The following CPAMD8 variants were observed in gnomAD, a reference collection of about 807,000 sequenced individuals.
CPAMD8 encodes the protein C3 and PZP like alpha-2-macroglobulin domain containing 8.
In CPAMD8, 146 loss-of-function variants were observed where a neutral mutation model predicts 224.7. The observed-to-expected ratio is 0.65, with a 90% CI of 0.57 to 0.75. CPAMD8 has a LOEUF of 0.75. Among genes scored for constraint, CPAMD8 ranks in the 30% least tolerant of loss-of-function variants. CPAMD8 has a pLI of 0.00. For missense variants in CPAMD8, 2,301 were observed against 2,537.5 expected, an observed-to-expected ratio of 0.91 and a Z score of 2.00; for synonymous variants, 966 against 1,044.6, an observed-to-expected ratio of 0.92 and a Z score of 1.45.
intron 19 of CPAMD8, 70 bp from the exon 20 acceptor site, chr19:16,952,270 A>C: frequency 3.4e-6 from 3 of 873,774 alleles, no homozygotes; most frequent in Non-Finnish European, 5.6e-6. Context: ...GCCAGTGGGC[A>C]TGGATGACCC....
chr19:16,919,958 G>A (rs2144881529), intron 27 of CPAMD8, among the ~76,000 whole-genome samples: 1 of 152,278 alleles, frequency 6.6e-6, no homozygotes, highest in South Asian at 2.1e-4. Context: ...GTGTGGTAAG[G>A]AAACAGGCTC....
At chr19:16,916,259 C>G (rs2052954960) in intron 27 of CPAMD8, among the ~76,000 whole-genome samples, 1 of 152,010 alleles carries the variant, frequency 6.6e-6, no homozygotes, top group African/African-American at 2.4e-5. Flanking sequence ...AGTGATCCTC[C>G]CACAATGGCC....
chr19:16,941,958 C>G (rs549182165), intron 22 of CPAMD8, among the ~76,000 whole-genome samples: 2 of 151,586 alleles, frequency 1.3e-5, no homozygotes, highest in Non-Finnish European at 2.9e-5. Context: ...GGCGACAGAG[C>G]GAGACTCCAT....
At chr19:16,896,417 A>G (rs760210599) in intron 40 of CPAMD8, 39 bp downstream of exon 40, 14 of 1,484,528 alleles carry the variant, frequency 9.4e-6, no homozygotes, top group South Asian at 9.3e-5. Flanking sequence ...AGCAGCAGCG[A>G]TGGTGTCCCC....
At chr19:16,911,268 C>T (rs899655410) in intron 29 of CPAMD8, among the ~76,000 whole-genome samples, 12 of 152,120 alleles carry the variant, frequency 7.9e-5, no homozygotes, top group South Asian at 2.1e-4. Flanking sequence ...CACCTCCCAT[C>T]GGACCATCAG....
At position 16,892,997 on chromosome 19, in the gene CPAMD8, A is replaced by C. The variant is rs772973557; in HGVS notation, c.*111T>G. On this transcript the variant is annotated 3_prime_UTR_variant, in exon 42 of 42. Coordinates refer to ENST00000443236, the MANE Select transcript of CPAMD8 (RefSeq NM_015692.5). ...GTATTCTTGTCAATATCCTGGAGTGATCATTTACCAGAGTTTTCTGAGATG... is the reference window on the plus strand; with the variant it reads ...GTATTCTTGTCAATATCCTGGAGTGCTCATTTACCAGAGTTTTCTGAGATG... The C allele has an allele frequency of 2.6e-6, 2 of 772,004 alleles. No individual in the cohort carries two copies. The highest frequency in any genetic ancestry group is 4.9e-5 in the East Asian group (2 of 41,154). The allele number at this position is 772,004 out of a possible 1,614,324, so 47.8% of individuals were successfully genotyped here.
At chr19:16,929,343 C>T in intron 23 of CPAMD8, 103 bp from the exon 24 acceptor site, 1 of 851,562 alleles carries the variant, frequency 1.2e-6, no homozygotes, top group Non-Finnish European at 1.8e-6. Context: ...AGGAGTGGGT[C>T]TCACTGTGAC....
At chr19:16,974,745 T>C (rs2055193650) in intron 17 of CPAMD8, among the ~76,000 whole-genome samples, 1 of 152,032 alleles carries the variant, frequency 6.6e-6, no homozygotes, top group African/African-American at 2.4e-5. Flanking sequence ...AGCAGGAGGA[T>C]TGCTTGAGGC....
intron 10 of CPAMD8, among the ~76,000 whole-genome samples, chr19:16,999,565 A>G (rs2056243479): frequency 6.7e-6 from 1 of 149,180 alleles, no homozygotes; most frequent in South Asian, 2.1e-4. Context: ...AGCCTGGGCA[A>G]CAGAGCAAGA....
intron 14 of CPAMD8, 113 bp downstream of exon 14, chr19:16,980,384 G>C: frequency 1.0e-6 from 1 of 952,824 alleles, no homozygotes; most frequent in Non-Finnish European, 1.6e-6. Flanking sequence ...CTGACCCAAG[G>C]CATGCTCCCC....
At chr19:17,002,627 AG>A in intron 8 of CPAMD8, 1 of 297,944 alleles carries the variant, frequency 3.4e-6, no homozygotes, top group Admixed American at 4.4e-5. Context: ...AGCCTATCCC[AG>A]GGTGGACACG....
intron 18 of CPAMD8, 30 bp from the exon 19 acceptor site, chr19:16,957,945 G>C: frequency 2.5e-6 from 4 of 1,594,988 alleles, no homozygotes; most frequent in Non-Finnish European, 3.4e-6. Context: ...AACGATTAAG[G>C]TTTCATGAAC....
At chr19:16,931,400 T>A (rs1225575225) in intron 23 of CPAMD8, among the ~76,000 whole-genome samples, 1 of 152,114 alleles carries the variant, frequency 6.6e-6, no homozygotes, top group Non-Finnish European at 1.5e-5. Context: ...ACACCACAGC[T>A]GGCACACACC....
chr19:17,009,568 A>C, intron 5 of CPAMD8: 1 of 409,162 alleles, frequency 2.4e-6, no homozygotes, highest in Non-Finnish European at 4.4e-6. Context: ...AGGTCAGGAG[A>C]TTGAGACCAC....
intron 23 of CPAMD8, among the ~76,000 whole-genome samples, chr19:16,933,769 A>G (rs1205380148): frequency 6.6e-6 from 1 of 152,224 alleles, no homozygotes; most frequent in Non-Finnish European, 1.5e-5. Context: ...CACTTTAGAA[A>G]ACAGGTTGGC....
rs979421470 is a variant in CPAMD8 at position 16,928,300 on chromosome 19, T to G, written c.3145-66A>C. 6.8e-6 allele frequency: 9 copies of G among 1,326,928 alleles called. No homozygotes were observed. The Admixed American group carries it at 7.5e-5, about 11-fold the overall frequency. The allele number at this position is 1,326,928 out of a possible 1,614,324, so 82.2% of individuals were successfully genotyped here. A position where few individuals can be genotyped will look rare whatever the true frequency, so the allele number is the denominator to read the frequency against. On this transcript the variant is annotated intron_variant, in intron 24 of 41. Coordinates refer to ENST00000443236, the MANE Select transcript of CPAMD8 (RefSeq NM_015692.5). Reference sequence around the variant, plus strand: ...CAGGCAGTAGGCACTCAGGTGGCAGTGACACCAGCTTTGTGGCCAGGGTCA... The same window carrying G: ...CAGGCAGTAGGCACTCAGGTGGCAGGGACACCAGCTTTGTGGCCAGGGTCA...
chr19:16,984,431 A>G (rs1247504185), intron 13 of CPAMD8, among the ~76,000 whole-genome samples: 2 of 152,152 alleles, frequency 1.3e-5, no homozygotes, highest in Admixed American at 1.3e-4. Flanking sequence ...TAAGAGCTGA[A>G]ACTATAAAAC....
chr19:17,026,368 A>C (rs536626201), intron 1 of CPAMD8, among the ~76,000 whole-genome samples, 183 bp downstream of exon 1: 81 of 152,256 alleles, frequency 5.3e-4, no homozygotes, highest in African/African-American at 1.9e-3. Flanking sequence ...CTGTACCTCC[A>C]CAGAGCCACT....
chr19:16,959,264 C>T (rs993385632), intron 18 of CPAMD8, among the ~76,000 whole-genome samples: 44 of 151,802 alleles, frequency 2.9e-4, no homozygotes, highest in African/African-American at 1.1e-3. Context: ...ACCTCCACCT[C>T]CCAGGTTCAA....
Sources: gnomAD v4.1 joint callset for allele counts (sites outside exome capture counted in the v4.1 genomes callset) on GRCh38, gnomAD v4.1.1 for gene constraint, MANE v1.5 for transcripts, NCBI Gene and HGNC (gene_info 2026-07-23, HGNC 2026-07-21) for gene names.